Variants in HMMR observed in about 807,000 individuals in gnomAD.
HMMR encodes the protein intracellular hyaluronic acid-binding protein.
A neutral mutation model predicts 101.0 loss-of-function variants in HMMR; 108 were observed. That is an observed-to-expected ratio of 1.07 (90% confidence interval 0.92 to 1.25). The LOEUF (loss-of-function observed/expected upper bound fraction) is 1.25, where lower values mean the gene tolerates loss of function less well. Among genes scored for constraint, HMMR ranks in the 50% most tolerant of loss-of-function variants. The pLI is 0.00. For synonymous variants in HMMR, 296 were observed against 276.4 expected (o/e 1.07, Z -0.70); for missense variants, 813 against 788.7 (o/e 1.03, Z -0.37).
chr5:163,465,524 G>C (rs1758672757), intron 3 of HMMR, among the ~76,000 whole-genome samples: 1 of 137,322 alleles, frequency 7.3e-6, no homozygotes, highest in South Asian at 2.5e-4. Flanking sequence ...TGCTAAAGAC[G>C]AGGTTTAAAC....
intron 1 of HMMR, among the ~76,000 whole-genome samples, chr5:163,462,124 G>T (rs1350228434): frequency 1.3e-5 from 2 of 152,104 alleles, no homozygotes; most frequent in Non-Finnish European, 2.9e-5. Flanking sequence ...ATGATTTCCC[G>T]AGTAATCAAA....
At position 163,490,435 on chromosome 5, in the gene HMMR, G is replaced by T. The variant is rs144792817; in HGVS notation, c.2008G>T (p.Glu670Ter). The change falls in exon 17 of 18, where the codon GAG (glutamate) becomes TAG (stop). Residue 670 changes from glutamate to a stop codon, truncating the protein, a stop_gained. Transcript: ENST00000393915. LOFTEE classifies it high-confidence loss of function. ...TCAGCTTGCTAAAAAAAAACAAAGT[G>T]AGACAAAACTTCAAGAGGAATTGAA... The part of the protein sequence containing the change: ...RCQLAKKKQS[E>*]TKLQEELNKV... 5.6e-6 allele frequency: 9 copies of T among 1,595,072 alleles called. No homozygotes were observed. In the African/African-American group the frequency reaches 1.2e-4, roughly 22 times the overall value.
chr5:163,480,472 T>A (rs1452924100), intron 12 of HMMR, among the ~76,000 whole-genome samples: 1 of 152,218 alleles, frequency 6.6e-6, no homozygotes, highest in Non-Finnish European at 1.5e-5. Flanking sequence ...ATTCATTCTT[T>A]GGACTTTGAG....
chr5:163,471,205 G>A lies in HMMR; in HGVS notation c.483G>A (p.Gln161=). Residue 161 remains glutamine (Q), a synonymous_variant, in exon 6 of 18, where the codon CAG becomes CAA. Transcript: ENST00000393915. ...TTTAGTTTTCTGAAAATGGTAACCAGAAGAATTTGAGAATTCTAAGCTTGG... is the reference window on the plus strand; with the variant it reads ...TTTAGTTTTCTGAAAATGGTAACCAAAAGAATTTGAGAATTCTAAGCTTGG... ...LKSKFSENGN[Q]KNLRILSLEL... The A allele has an allele frequency of 6.2e-7, 1 of 1,607,718 alleles. No homozygotes were observed. Among genetic ancestry groups the A allele is most frequent in the Non-Finnish European group, 8.5e-7 (1 of 1,174,404 alleles).
intron 10 of HMMR, 50 bp downstream of exon 10, chr5:163,474,255 T>C (rs1391889827): frequency 7.2e-7 from 1 of 1,396,478 alleles, no homozygotes; most frequent in South Asian, 1.2e-5. Flanking sequence ...GTCATACATT[T>C]CCCTATGTCT....
Position 163,474,058 on chromosome 5 carries a change from A to C in HMMR, c.906A>C (p.Glu302Asp), listed in dbSNP as rs1758989389. The C allele has an allele frequency of 6.2e-7, 1 of 1,606,270 alleles. No homozygotes were observed. The highest frequency in any genetic ancestry group is 1.3e-5 in the African/African-American group (1 of 74,496). Reference sequence around the variant, plus strand: ...TTCTTGATGTTTTGCGTTTTCTAGAAGACCATGTCAACAGGAATAGAGAAC... The same window carrying C: ...TTCTTGATGTTTTGCGTTTTCTAGACGACCATGTCAACAGGAATAGAGAAC... ...VKCQLLEKEK[E>D]DHVNRNREHN... The change falls in exon 10 of 18, where the codon GAA (glutamate) becomes GAC (aspartate). Residue 302 changes from glutamate to aspartate, a missense_variant and splice_region_variant. Transcript: ENST00000393915.
At chr5:163,488,150 G>A (rs1280534796) in intron 16 of HMMR, among the ~76,000 whole-genome samples, 1 of 152,120 alleles carries the variant, frequency 6.6e-6, no homozygotes, top group Non-Finnish European at 1.5e-5. Context: ...CACTGCACCT[G>A]GCCAAGAACT....
intron 3 of HMMR, 137 bp from the exon 4 acceptor site, chr5:163,467,564 A>G (rs1473885646): frequency 7.6e-6 from 4 of 525,960 alleles, no homozygotes; most frequent in South Asian, 2.1e-5. Flanking sequence ...GGCCTACACA[A>G]TGTTTAACAG....
rs1185108226 is a variant in HMMR at position 163,482,998 on chromosome 5, C to G, written c.1533-22C>G. ...AAAGTGGCTATAAAATGTTTAGTGA[C>G]CTCTTCTCTCTCAAACCAAAGGATG... is the stretch of plus-strand genomic sequence containing the variant. On this transcript the variant is annotated intron_variant, in intron 13 of 17. Coordinates refer to ENST00000393915, the MANE Select transcript of HMMR (RefSeq NM_001142556.2). 1.9e-6 allele frequency: 3 copies of G among 1,558,042 alleles called. No individual in the cohort carries two copies. In the African/African-American group the frequency reaches 4.2e-5, roughly 22 times the overall value.
chr5:163,478,872 T>G, intron 12 of HMMR, 72 bp downstream of exon 12: 1 of 822,874 alleles, frequency 1.2e-6, no homozygotes, highest in Non-Finnish European at 2.1e-6. Context: ...AGGAAATATG[T>G]GAGCAAAGCA....
Position 163,478,800 on chromosome 5 carries a change from G to A in HMMR, c.1385G>A (p.Ser462Asn), listed in dbSNP as rs772196576. The A allele has an allele frequency of 9.7e-6, 15 of 1,551,690 alleles. No homozygotes were observed. Among genetic ancestry groups the A allele is most frequent in the Middle Eastern group, 1.7e-4 (1 of 5,938 alleles). The stretch of plus-strand genomic sequence containing the variant: ...GAAGATGTTACTGCTCAATTTGAAA[G>A]GTATTTTTCTTGGGAGCCTGCACTC... Reference protein sequence around the residue: ...SLEDVTAQFESYKALTASEIE... With the variant: ...SLEDVTAQFENYKALTASEIE... Residue 462 changes from serine to asparagine, a missense_variant and splice_region_variant, in exon 12 of 18, where the codon AGC (serine) becomes AAC (asparagine). Transcript: ENST00000393915.
At chr5:163,488,899 A>T (rs945636427) in intron 16 of HMMR, among the ~76,000 whole-genome samples, 4 of 152,108 alleles carry the variant, frequency 2.6e-5, no homozygotes, top group Non-Finnish European at 4.4e-5. Context: ...TAACTAGCCT[A>T]CTGTTCAGCC....
At position 163,473,426 on chromosome 5, in the gene HMMR, T is replaced by A; in HGVS notation, c.773T>A (p.Leu258Ter). Residue 258 changes from leucine to a stop codon, truncating the protein, a stop_gained, in exon 9 of 18, where the codon TTA becomes TAA. Coordinates refer to ENST00000393915, the MANE Select transcript of HMMR (RefSeq NM_001142556.2). LOFTEE classifies it high-confidence loss of function. ...AAATACAAGCTAGATATTGCCCAGTTAGAAGAAAATTTGAAAGAGAAGAAT... is the reference window on the plus strand; with the variant it reads ...AAATACAAGCTAGATATTGCCCAGTAAGAAGAAAATTTGAAAGAGAAGAAT... ...VEKYKLDIAQ[L>*]EENLKEKNDE... 1 of 1,611,432 alleles carries A rather than the reference T, an allele frequency of 6.2e-7. No individual in the cohort carries two copies. The highest frequency in any genetic ancestry group is 8.5e-7 in the Non-Finnish European group (1 of 1,178,472).
chr5:163,488,833 C>G (rs1434621787), intron 16 of HMMR, among the ~76,000 whole-genome samples: 1 of 152,218 alleles, frequency 6.6e-6, no homozygotes, highest in Non-Finnish European at 1.5e-5. Flanking sequence ...GATATTTATT[C>G]TGACTACAGA....
At chr5:163,461,159 A>C (rs1049230458) in intron 1 of HMMR, among the ~76,000 whole-genome samples, 1 of 152,156 alleles carries the variant, frequency 6.6e-6, no homozygotes, top group Non-Finnish European at 1.5e-5. Flanking sequence ...TAAAAGAAGG[A>C]AGATTAGTAA....
At chr5:163,482,492 G>A in intron 12 of HMMR, 150 bp from the exon 13 acceptor site, 1 of 605,260 alleles carries the variant, frequency 1.7e-6, no homozygotes, top group Non-Finnish European at 2.9e-6. Flanking sequence ...ACTTGCCTCA[G>A]AACACTGAAT....
chr5:163,487,970 C>G (rs1759535803), intron 16 of HMMR, among the ~76,000 whole-genome samples: 1 of 152,068 alleles, frequency 6.6e-6, no homozygotes, highest in African/African-American at 2.4e-5. Flanking sequence ...ATCCTCCCAC[C>G]TCAGCCTCCC....
At chr5:163,465,888 G>A (rs895199257) in intron 3 of HMMR, among the ~76,000 whole-genome samples, 33 of 151,386 alleles carry the variant, frequency 2.2e-4, no homozygotes, top group Non-Finnish European at 8.8e-5. Flanking sequence ...TTGAACCTGG[G>A]AGGCAGAGGT....
intron 16 of HMMR, among the ~76,000 whole-genome samples, chr5:163,487,439 C>T (rs1271677719): frequency 6.6e-6 from 1 of 151,934 alleles, no homozygotes; most frequent in Admixed American, 6.5e-5. Context: ...GGTGACATCA[C>T]AAAATGAGTG....
Sources: gnomAD v4.1 joint callset for allele counts (sites outside exome capture counted in the v4.1 genomes callset) on GRCh38, gnomAD v4.1.1 for gene constraint, MANE v1.5 for transcripts, NCBI Gene and HGNC (gene_info 2026-07-23, HGNC 2026-07-21) for gene names.